The following PRKG1 variants were observed in gnomAD, a reference collection of about 807,000 sequenced individuals.
PRKG1 encodes cGMP-dependent protein kinase 1.
Under a neutral mutation model 88.1 loss-of-function variants are expected in PRKG1, and 35 were observed. The ratio of observed to expected loss-of-function variants is 0.40; its 90% CI spans 0.30 to 0.53. PRKG1 has a LOEUF of 0.53. PRKG1 is among the 20% of genes least tolerant of loss of function. The pLI is 0.59. For synonymous variants in PRKG1, 303 were observed against 292.5 expected, an observed-to-expected ratio of 1.04 and a Z score of -0.37; for missense variants, 540 against 839.8, an observed-to-expected ratio of 0.64 and a Z score of 4.41.
chr10:51,971,512 T>C (rs1395044244), intron 5 of PRKG1, among the ~76,000 whole-genome samples: 6 of 152,092 alleles, frequency 3.9e-5, no homozygotes, highest in African/African-American at 1.2e-4. Flanking sequence ...CAGTTTCTCT[T>C]TTTTTATCTT....
chr10:51,166,147 A>T (rs1399488133), intron 2 of PRKG1, among the ~76,000 whole-genome samples: 2 of 152,012 alleles, frequency 1.3e-5, no homozygotes, highest in African/African-American at 2.4e-5. Context: ...AACATTGCTG[A>T]TACAGATTTA....
chr10:51,575,890 C>T (rs1321223514), intron 3 of PRKG1, among the ~76,000 whole-genome samples: 2 of 151,586 alleles, frequency 1.3e-5, no homozygotes, highest in East Asian at 3.9e-4. Flanking sequence ...AAATCAGTAA[C>T]TTTTTATTAA....
intron 5 of PRKG1, among the ~76,000 whole-genome samples, chr10:51,989,105 A>G (rs1322782890): frequency 6.6e-6 from 1 of 152,122 alleles, no homozygotes; most frequent in African/African-American, 2.4e-5. Context: ...CTGTGATAAC[A>G]GTGTTAGTGA....
chr10:51,147,243 A>C (rs1173959144), intron 1 of PRKG1, among the ~76,000 whole-genome samples: 1 of 152,190 alleles, frequency 6.6e-6, no homozygotes, highest in Non-Finnish European at 1.5e-5. Context: ...GAATATAGTT[A>C]ACAATAATTT....
intron 2 of PRKG1, among the ~76,000 whole-genome samples, chr10:51,331,029 T>C (rs1319802975): frequency 6.6e-6 from 1 of 151,962 alleles, no homozygotes; most frequent in Non-Finnish European, 1.5e-5. Flanking sequence ...AGTCCTGGGG[T>C]AGTTCAGAAG....
intron 3 of PRKG1, among the ~76,000 whole-genome samples, chr10:51,670,741 A>AT (rs1554830606): frequency 1.1e-5 from 1 of 94,580 alleles, no homozygotes; most frequent in Non-Finnish European, 2.4e-5. Flanking sequence ...GTCTCAAAAA[A>AT]AAATAAATAA....
At chr10:52,068,394 C>T (rs1233539469) in intron 7 of PRKG1, among the ~76,000 whole-genome samples, 3 of 152,004 alleles carry the variant, frequency 2.0e-5, no homozygotes, top group South Asian at 2.1e-4. Flanking sequence ...CCTTTCTTTC[C>T]CCTAACTTTT....
intron 2 of PRKG1, among the ~76,000 whole-genome samples, chr10:51,362,039 A>G (rs1842492560): frequency 1.3e-5 from 2 of 151,924 alleles, no homozygotes; most frequent in South Asian, 2.1e-4. Context: ...TGAAATAAAA[A>G]TTAAGTATAA....
At chr10:52,087,757 GT>G (rs949078680) in intron 7 of PRKG1, among the ~76,000 whole-genome samples, 29 of 151,928 alleles carry the variant, frequency 1.9e-4, no homozygotes, top group African/African-American at 6.8e-4. Context: ...CTATTCTTAG[GT>G]TTTTTTTGGT....
intron 10 of PRKG1, among the ~76,000 whole-genome samples, chr10:52,263,578 A>ATT (rs60167378): frequency 0.06 from 8,356 of 140,386 alleles, 786 homozygotes; most frequent in African/African-American, 0.2. Flanking sequence ...AATCTCCAGG[A>ATT]TTTTTTTTTT....
At chr10:52,112,105 C>T (rs778903572) in intron 7 of PRKG1, among the ~76,000 whole-genome samples, 14 of 152,100 alleles carry the variant, frequency 9.2e-5, no homozygotes, top group Non-Finnish European at 1.8e-4. Flanking sequence ...CAGGTTGCCC[C>T]CACTATTTAG....
intron 5 of PRKG1, among the ~76,000 whole-genome samples, chr10:51,976,515 A>C (rs1176812640): frequency 6.7e-6 from 1 of 150,080 alleles, no homozygotes; most frequent in African/African-American, 2.4e-5. Context: ...GCCACATACT[A>C]CATGATTCTA....
Position 52,294,568 on chromosome 10 carries a change from G to C in PRKG1, c.*668G>C, listed in dbSNP as rs948014450. ...GATTCTGCTGAGACCTCTCATAGTA[G>C]GTATATATGAGTTTTCACAGAAGAC... On this transcript the variant is annotated 3_prime_UTR_variant, in exon 18 of 18. Coordinates refer to ENST00000373980, the MANE Select transcript of PRKG1 (RefSeq NM_006258.4). 1.3e-5 allele frequency: 2 copies of C among 152,380 alleles called. No homozygotes were observed. Among genetic ancestry groups the C allele is most frequent in the Non-Finnish European group, 2.9e-5 (2 of 67,976 alleles). The allele number at this position is 152,380 out of a possible 1,614,324, so 9.4% of individuals were successfully genotyped here. A position where few individuals can be genotyped will look rare whatever the true frequency, so the allele number is the denominator to read the frequency against.
intron 9 of PRKG1, among the ~76,000 whole-genome samples, chr10:52,169,600 A>G (rs1465027709): frequency 6.6e-6 from 1 of 152,196 alleles, no homozygotes; most frequent in Admixed American, 6.5e-5. Flanking sequence ...GGAAGAAACA[A>G]TGATATTACA....
At chr10:52,090,281 A>G (rs1847023669) in intron 7 of PRKG1, among the ~76,000 whole-genome samples, 1 of 152,084 alleles carries the variant, frequency 6.6e-6, no homozygotes, top group South Asian at 2.1e-4. Flanking sequence ...CAAAAAAGAC[A>G]TTGGAGGCAA....
intron 3 of PRKG1, among the ~76,000 whole-genome samples, chr10:51,618,680 G>A (rs1839127908): frequency 1.3e-5 from 2 of 152,112 alleles, no homozygotes; most frequent in African/African-American, 4.8e-5. Flanking sequence ...GGGTAATAGA[G>A]AGCCATTGAA....
At chr10:52,140,628 G>A (rs1319963997) in intron 8 of PRKG1, among the ~76,000 whole-genome samples, 1 of 152,040 alleles carries the variant, frequency 6.6e-6, no homozygotes, top group African/African-American at 2.4e-5. Flanking sequence ...ATAGTTATTT[G>A]CATTATGATA....
At chr10:52,112,931 C>T (rs1160540337) in intron 7 of PRKG1, among the ~76,000 whole-genome samples, 1 of 152,108 alleles carries the variant, frequency 6.6e-6, no homozygotes, top group African/African-American at 2.4e-5. Flanking sequence ...ATTTATGCTG[C>T]AAGAAGTGTA....
intron 3 of PRKG1, among the ~76,000 whole-genome samples, chr10:51,718,837 C>CAA (rs111373816): frequency 0.012 from 1,685 of 136,718 alleles, 15 homozygotes; most frequent in African/African-American, 0.026. Flanking sequence ...TTAATGAGTG[C>CAA]AAAAAAAAAA....
Sources: gnomAD v4.1 joint callset for allele counts (sites outside exome capture counted in the v4.1 genomes callset) on GRCh38, gnomAD v4.1.1 for gene constraint, MANE v1.5 for transcripts, NCBI Gene and HGNC (gene_info 2026-07-23, HGNC 2026-07-21) for gene names.